Variants in NAV2 observed in about 807,000 individuals in gnomAD.
NAV2 encodes the protein helicase, APC down-regulated 1.
A neutral mutation model predicts 223.2 loss-of-function variants in NAV2; 54 were observed. That is an observed-to-expected ratio of 0.24 (90% CI 0.19 to 0.30). The LOEUF (loss-of-function observed/expected upper bound fraction) is 0.30, where lower values mean the gene tolerates loss of function less well. NAV2 is among the 10% of genes least tolerant of loss of function. NAV2 has a pLI of 1.00. For missense variants in NAV2, 2,806 were observed against 3,147.5 expected, an observed-to-expected ratio of 0.89 and a Z score of 2.60; for synonymous variants, 1,279 against 1,239.3, an observed-to-expected ratio of 1.03 and a Z score of -0.67.
chr11:19,911,740 G>C (rs1248997523), intron 6 of NAV2, among the ~76,000 whole-genome samples: 1 of 152,114 alleles, frequency 6.6e-6, no homozygotes, highest in Non-Finnish European at 1.5e-5. Context: ...TTTCTTGGTG[G>C]GGGACAGAGC....
chr11:20,043,907 T>G, intron 12 of NAV2, 74 bp from the exon 13 acceptor site: 1 of 1,462,680 alleles, frequency 6.8e-7, no homozygotes, highest in Non-Finnish European at 9.4e-7. Context: ...TGTTTTGGCA[T>G]TTTTGCCTTT....
chr11:20,051,344 T>A lies in NAV2; in HGVS notation c.4481+11T>A, dbSNP rs1292670668. 6.2e-7 allele frequency: 1 copy of A among 1,613,458 alleles called. No individual in the cohort carries two copies. The highest frequency in any genetic ancestry group is 1.7e-5 in the Admixed American group (1 of 60,034). The stretch of plus-strand genomic sequence containing the variant: ...TAAGAAAGGACTCAGGTATCTGTGT[T>A]TCCTCCTTGCATCTGTGCCATCTGT... On this transcript the variant is annotated intron_variant, in intron 17 of 37. Coordinates refer to ENST00000349880, the MANE Select transcript of NAV2 (RefSeq NM_145117.5).
In NAV2 at chr11:20,020,075, G is replaced by A. The variant is rs540894863; in HGVS notation, c.2769-15884G>A. ...CCTGCAGGGAAAAGCCAGGAAAGAGGGTTGAATATGTTGGAAGAAAAGGAA... is the reference window on the plus strand; with the variant it reads ...CCTGCAGGGAAAAGCCAGGAAAGAGAGTTGAATATGTTGGAAGAAAAGGAA... On this transcript the variant is annotated intron_variant, in intron 11 of 37. Coordinates refer to ENST00000349880, the MANE Select transcript of NAV2 (RefSeq NM_145117.5). Among the ~76,000 whole-genome samples the A allele has an allele frequency of 3.9e-4, 60 of 152,228 alleles. 1 individual carries two copies. Among genetic ancestry groups the A allele is most frequent in the African/African-American group, 1.4e-3 (57 of 41,538 alleles).
chr11:19,757,914 C>T (rs538811948), intron 1 of NAV2, among the ~76,000 whole-genome samples: 21 of 152,252 alleles, frequency 1.4e-4, no homozygotes, highest in African/African-American at 5.1e-4. Flanking sequence ...TGCAGTCTTA[C>T]CCCCAGTCTC....
At chr11:19,767,781 T>C (rs927256364) in intron 1 of NAV2, among the ~76,000 whole-genome samples, 3 of 152,222 alleles carry the variant, frequency 2.0e-5, no homozygotes, top group African/African-American at 7.2e-5. Context: ...AGACCAGAAC[T>C]TGAATTCAAG....
chr11:19,906,196 A>T (rs1442364054), intron 6 of NAV2, among the ~76,000 whole-genome samples: 5 of 152,164 alleles, frequency 3.3e-5, no homozygotes, highest in Admixed American at 6.5e-5. Flanking sequence ...ATCTCCCAGC[A>T]GTCTGGTCTA....
chr11:20,032,643 A>G (rs983136782), intron 11 of NAV2, among the ~76,000 whole-genome samples: 13 of 152,198 alleles, frequency 8.5e-5, no homozygotes, highest in Admixed American at 8.5e-4. Context: ...AATCACTAGA[A>G]CAAATTTGAG....
In NAV2 at chr11:19,952,861, T is replaced by TTG. The variant is rs993660064; in HGVS notation, c.2645+3795_2645+3796dup. Among the ~76,000 whole-genome samples, 117 of 152,004 alleles carry TTG rather than the reference T, an allele frequency of 7.7e-4. 1 individual carries two copies. The highest frequency in any genetic ancestry group is 2.7e-3 in the African/African-American group (111 of 41,494). On this transcript the variant is annotated intron_variant, in intron 10 of 37. Coordinates refer to ENST00000349880, the MANE Select transcript of NAV2 (RefSeq NM_145117.5). ...ATTAAGGGCAAATGCCTCTTACACT[T>TTG]TGTGTGTGTGTGTGTTCTTATATTG...
At chr11:19,869,046 C>A in intron 4 of NAV2, 49 bp downstream of exon 4, 1 of 1,524,814 alleles carries the variant, frequency 6.6e-7, no homozygotes, top group Non-Finnish European at 9.1e-7. Flanking sequence ...ATTAGAAATG[C>A]CCACCTGTTA....
At chr11:19,422,043 T>C (rs971841836) in intron 1 of NAV2, among the ~76,000 whole-genome samples, 3 of 152,144 alleles carry the variant, frequency 2.0e-5, no homozygotes, top group African/African-American at 7.2e-5. Flanking sequence ...TTAGAAGAGA[T>C]GTTCAAGCCC....
At chr11:20,116,672 C>G (rs996808761) in intron 37 of NAV2, among the ~76,000 whole-genome samples, 1 of 152,200 alleles carries the variant, frequency 6.6e-6, no homozygotes, top group Admixed American at 6.5e-5. Context: ...ACCCAGGATT[C>G]TTGGAAATGC....
intron 1 of NAV2, among the ~76,000 whole-genome samples, chr11:19,732,830 G>A (rs1157164386): frequency 3.9e-5 from 6 of 152,184 alleles, no homozygotes; most frequent in Non-Finnish European, 8.8e-5. Flanking sequence ...GGGAGAAAGA[G>A]CATCCTTTAG....
intron 1 of NAV2, among the ~76,000 whole-genome samples, chr11:19,653,625 C>T (rs1326777821): frequency 6.6e-6 from 1 of 152,188 alleles, no homozygotes; most frequent in Non-Finnish European, 1.5e-5. Flanking sequence ...TGGAAGATAT[C>T]AGAGATGGTA....
chr11:20,111,541 C>T (rs1003352993), intron 36 of NAV2, among the ~76,000 whole-genome samples: 12 of 152,228 alleles, frequency 7.9e-5, no homozygotes, highest in African/African-American at 2.9e-4. Context: ...ACCTAATGTG[C>T]ATTTGTCTTA....
chr11:19,557,843 T>G (rs999155404), intron 1 of NAV2, among the ~76,000 whole-genome samples: 1 of 152,156 alleles, frequency 6.6e-6, no homozygotes, highest in African/African-American at 2.4e-5. Context: ...ACGGAAGGCT[T>G]GGACAGTCAG....
chr11:19,892,287 T>C (rs756536588), intron 5 of NAV2, 147 bp from the exon 6 acceptor site: 5 of 684,730 alleles, frequency 7.3e-6, no homozygotes, highest in Non-Finnish European at 1.1e-5. Context: ...ATGTTTGTAA[T>C]GGTTCCACCA....
Position 19,713,714 on chromosome 11 carries a change from G to T in NAV2, c.19G>T (p.Ala7Ser). 2.5e-6 allele frequency: 4 copies of T among 1,575,812 alleles called. No individual in the cohort carries two copies. The South Asian group carries it at 4.5e-5, about 18-fold the overall frequency. Residue 7 changes from alanine (A) to serine (S), a missense_variant, in exon 1 of 38, where the codon GCC (alanine) becomes TCC (serine). Coordinates refer to ENST00000349880, the MANE Select transcript of NAV2 (RefSeq NM_145117.5). This position sits in a 1 kb window ranked among gnomAD's most constrained non-coding sequence, Gnocchi z 7.2. MPAILV[A>S]SKMKSGLPKP... ...GGAGAAGATGCCGGCCATCCTGGTC[G>T]CCTCCAAAATGAAGTCGGGACTGCC... is the stretch of plus-strand genomic sequence containing the variant.
At position 20,119,071 on chromosome 11, in the gene NAV2, T is replaced by G. The variant is rs1338332289; in HGVS notation, c.*813T>G. On this transcript the variant is annotated 3_prime_UTR_variant, in exon 38 of 38. Transcript: ENST00000349880. ...GATATATGAATGAATCAGGTTTTTTTTTTTTTTTTTCTGCAAACACTGTGT... is the reference window on the plus strand; with the variant it reads ...GATATATGAATGAATCAGGTTTTTTGTTTTTTTTTTCTGCAAACACTGTGT... The G allele has an allele frequency of 6.6e-6, 1 of 152,152 alleles. No individual in the cohort carries two copies. The highest frequency in any genetic ancestry group is 1.5e-5 in the Non-Finnish European group (1 of 67,990). The allele number at this position is 152,152 out of a possible 1,614,324, so 9.4% of individuals were successfully genotyped here. A position where few individuals can be genotyped will look rare whatever the true frequency, so the allele number is the denominator to read the frequency against.
At chr11:19,373,486 G>C (rs975706899) in intron 1 of NAV2, among the ~76,000 whole-genome samples, 3 of 152,132 alleles carry the variant, frequency 2.0e-5, no homozygotes, top group Admixed American at 1.3e-4. Context: ...CTGGAAAAGA[G>C]TTCCCCCAAT....
Sources: allele counts gnomAD v4.1 joint callset (sites outside exome capture counted in the v4.1 genomes callset), GRCh38; gene constraint gnomAD v4.1.1; non-coding constraint Gnocchi (gnomAD v3.1); transcripts MANE v1.5; gene names NCBI Gene and HGNC (gene_info 2026-07-23, HGNC 2026-07-21).